ATG10: variants seen among roughly 807,000 people sequenced by gnomAD.
ATG10 encodes the protein autophagy related 10.
A neutral mutation model predicts 32.1 loss-of-function variants in ATG10; 30 were observed. The observed-to-expected ratio is 0.94, with a 90% CI of 0.70 to 1.27. ATG10 has a LOEUF of 1.27. ATG10 is among the 50% of genes most tolerant of loss of function. The probability of loss-of-function intolerance (pLI) is 0.00; values close to 1 mark genes in which losing one functional copy is unlikely to be tolerated. For missense variants in ATG10, 233 were observed against 262.3 expected (o/e 0.89, Z 0.77); for synonymous variants, 87 against 91.5 (o/e 0.95, Z 0.28).
chr5:82,028,362 G>T (rs938547040), intron 2 of ATG10, among the ~76,000 whole-genome samples: 3 of 152,142 alleles, frequency 2.0e-5, no homozygotes, highest in African/African-American at 4.8e-5. Context: ...TACTGGGGAT[G>T]AAATATTGAA....
chr5:82,058,371 A>T, intron 2 of ATG10, 124 bp from the exon 3 acceptor site: 1 of 664,720 alleles, frequency 1.5e-6, no homozygotes, highest in Non-Finnish European at 2.7e-6. Context: ...TTATCCATAT[A>T]GTCTCATTTA....
At chr5:81,984,092 C>T (rs1407004814) in intron 1 of ATG10, among the ~76,000 whole-genome samples, 1 of 152,152 alleles carries the variant, frequency 6.6e-6, no homozygotes, top group African/African-American at 2.4e-5. Flanking sequence ...GAGGTGGAGG[C>T]TGCAGCGAGC....
At position 82,154,470 on chromosome 5, in the gene ATG10, G is replaced by T. The variant is rs565854019; in HGVS notation, c.217-9929G>T. ...ATACATTATCTCATTTAATCACAAGGGAAAGATGCCTTTATTTAACAAGTG... is the reference window on the plus strand; with the variant it reads ...ATACATTATCTCATTTAATCACAAGTGAAAGATGCCTTTATTTAACAAGTG... On this transcript the variant is annotated intron_variant, in intron 3 of 7. Transcript: ENST00000282185. Among the ~76,000 whole-genome samples the T allele has an allele frequency of 3.3e-5, 5 of 152,260 alleles. No individual in the cohort carries two copies. In the East Asian group the frequency reaches 9.6e-4, roughly 29 times the overall value.
intron 2 of ATG10, among the ~76,000 whole-genome samples, chr5:82,002,552 A>G (rs1761879971): frequency 6.6e-6 from 1 of 152,214 alleles, no homozygotes; most frequent in African/African-American, 2.4e-5. Flanking sequence ...ACAGAAAACC[A>G]AATACTACAT....
Position 82,142,419 on chromosome 5 carries a change from G to A in ATG10, c.217-21980G>A, listed in dbSNP as rs185024200. ...CATTTTCTAGGTGGGAATTTGATGG[G>A]AGCTCTTCTTGGCTGGGATGGCACG... On this transcript the variant is annotated intron_variant, in intron 3 of 7. Transcript: ENST00000282185. Among the ~76,000 whole-genome samples the A allele has an allele frequency of 6.0e-4, 92 of 152,262 alleles. 1 individual carries two copies. In the Middle Eastern group the frequency reaches 0.014, roughly 23 times the overall value.
intron 5 of ATG10, among the ~76,000 whole-genome samples, chr5:82,225,551 C>T (rs1254753969): frequency 6.6e-6 from 1 of 152,184 alleles, no homozygotes; most frequent in Non-Finnish European, 1.5e-5. Context: ...AGGCAAGCCA[C>T]GAATGGTCTC....
intron 3 of ATG10, chr5:82,078,438 T>G (rs1463708683): frequency 6.6e-6 from 1 of 152,320 alleles, no homozygotes; most frequent in Non-Finnish European, 1.5e-5. Flanking sequence ...CCAGGTGTGG[T>G]GGCACGCGCC....
chr5:82,035,834 A>G (rs991476472), intron 2 of ATG10, among the ~76,000 whole-genome samples: 4 of 150,166 alleles, frequency 2.7e-5, no homozygotes, highest in Non-Finnish European at 5.9e-5. Context: ...TTCATTTTCT[A>G]TAGGTATTGC....
At chr5:82,005,143 A>C (rs972350638) in intron 2 of ATG10, among the ~76,000 whole-genome samples, 33 of 152,296 alleles carry the variant, frequency 2.2e-4, no homozygotes, top group African/African-American at 7.7e-4. Flanking sequence ...ATGTGGCAAA[A>C]TCTTCAAATG....
At chr5:82,148,811 G>A (rs1398127611) in intron 3 of ATG10, among the ~76,000 whole-genome samples, 2 of 151,994 alleles carry the variant, frequency 1.3e-5, no homozygotes, top group African/African-American at 2.4e-5. Context: ...TATTGACCAT[G>A]GTCTGCTGGA....
chr5:82,185,680 A>G (rs1210873135), intron 5 of ATG10, among the ~76,000 whole-genome samples: 1 of 152,176 alleles, frequency 6.6e-6, no homozygotes, highest in East Asian at 1.9e-4. Flanking sequence ...TGGTGAATAG[A>G]TTGCTTTTGA....
At chr5:82,142,323 G>A (rs914306481) in intron 3 of ATG10, among the ~76,000 whole-genome samples, 2 of 152,156 alleles carry the variant, frequency 1.3e-5, no homozygotes, top group Admixed American at 6.5e-5. Context: ...CAGTGTCCAA[G>A]TTTCCTAAAA....
intron 2 of ATG10, among the ~76,000 whole-genome samples, chr5:82,028,387 A>G (rs1762651481): frequency 6.6e-6 from 1 of 152,226 alleles, no homozygotes; most frequent in African/African-American, 2.4e-5. Context: ...GTAAATTCAT[A>G]CTTTGAAACA....
chr5:82,161,633 C>G (rs150941278), intron 3 of ATG10, among the ~76,000 whole-genome samples: 4 of 150,052 alleles, frequency 2.7e-5, no homozygotes, highest in South Asian at 4.2e-4. Flanking sequence ...TAAGTATGCA[C>G]TTAAGAATTG....
chr5:82,141,776 A>G (rs1370589624), intron 3 of ATG10, among the ~76,000 whole-genome samples: 2 of 151,930 alleles, frequency 1.3e-5, no homozygotes, highest in Non-Finnish European at 2.9e-5. Context: ...TTATAATCCA[A>G]AATTCTAACT....
intron 3 of ATG10, among the ~76,000 whole-genome samples, chr5:82,070,433 C>T (rs1359563065): frequency 1.3e-5 from 2 of 152,114 alleles, no homozygotes; most frequent in Admixed American, 6.6e-5. Context: ...ATTTCACCCT[C>T]AGCCTTCCTT....
intron 5 of ATG10, among the ~76,000 whole-genome samples, chr5:82,179,864 A>G (rs1475211867): frequency 6.6e-6 from 1 of 152,106 alleles, no homozygotes. Context: ...TTCTTTAACA[A>G]TGACCATTTT....
chr5:82,118,439 T>C (rs530702499), intron 3 of ATG10, among the ~76,000 whole-genome samples: 4 of 130,242 alleles, frequency 3.1e-5, no homozygotes, highest in Admixed American at 7.8e-5. Context: ...TGACCCAGTG[T>C]CTGGCTATAT....
At chr5:82,189,707 T>C (rs1330223928) in intron 5 of ATG10, among the ~76,000 whole-genome samples, 1 of 152,154 alleles carries the variant, frequency 6.6e-6, no homozygotes, top group African/African-American at 2.4e-5. Flanking sequence ...GACTGTAACC[T>C]CCGCCTTCTG....
Sources: gnomAD v4.1 joint callset for allele counts (sites outside exome capture counted in the v4.1 genomes callset) on GRCh38, gnomAD v4.1.1 for gene constraint, MANE v1.5 for transcripts, NCBI Gene and HGNC (gene_info 2026-07-23, HGNC 2026-07-21) for gene names.